RNF182: variants seen among roughly 807,000 people sequenced by gnomAD.
RNF182 encodes ring finger protein 182.
A neutral mutation model predicts 14.4 loss-of-function variants in RNF182; 15 were observed. The observed-to-expected ratio is 1.04, with a 90% CI of 0.70 to 1.60. The LOEUF (loss-of-function observed/expected upper bound fraction) is 1.60. Among genes scored for constraint, RNF182 ranks in the 40% most tolerant of loss-of-function variants. RNF182 has a pLI of 0.00. For missense variants in RNF182, 268 were observed against 294.8 expected, an observed-to-expected ratio of 0.91 and a Z score of 0.67; for synonymous variants, 128 against 122.9, an observed-to-expected ratio of 1.04 and a Z score of -0.27.
At chr6:13,945,393 G>A (rs966994459) in intron 1 of RNF182, among the ~76,000 whole-genome samples, 6 of 152,178 alleles carry the variant, frequency 3.9e-5, no homozygotes, top group South Asian at 2.1e-4. Flanking sequence ...AACCTTAAAC[G>A]TTGGAATTGC....
rs575974964 is a variant in RNF182, at chr6:13,961,051, T to C, written c.-366-13159T>C. 7.3e-4 allele frequency among the ~76,000 whole-genome samples: 111 copies of C among 152,360 alleles called. No individual in the cohort carries two copies. In the Middle Eastern group the frequency reaches 0.017, roughly 23 times the overall value. The stretch of plus-strand genomic sequence containing the variant: ...CAAAAACCTAGACTTATGAGCTTTA[T>C]ATATTATTTGTTGGCGTTCCATATA... On this transcript the variant is annotated intron_variant, in intron 1 of 2. Coordinates refer to ENST00000488300, the MANE Select transcript of RNF182 (RefSeq NM_152737.4).
intron 2 of RNF182, among the ~76,000 whole-genome samples, chr6:13,974,798 G>A (rs981794443): frequency 6.6e-6 from 1 of 152,158 alleles, no homozygotes; most frequent in African/African-American, 2.4e-5. Flanking sequence ...TTCACTGGCT[G>A]TTTTACTCTT....
At chr6:13,973,149 G>A (rs1014473008) in intron 1 of RNF182, among the ~76,000 whole-genome samples, 1 of 152,200 alleles carries the variant, frequency 6.6e-6, no homozygotes, top group Non-Finnish European at 1.5e-5. Flanking sequence ...TTTTGGACTT[G>A]CATGGGGCCT....
rs564820148 is a variant in RNF182 at position 13,945,724 on chromosome 6, T to C, written c.-367+20701T>C. Among the ~76,000 whole-genome samples the C allele has an allele frequency of 6.0e-4, 91 of 152,362 alleles. 1 individual carries two copies. The South Asian group carries it at 0.018, about 30-fold the overall frequency. ...CAGTAAAATGTTTATTCCCTTGTTA[T>C]ATTCCATTACTGCTGTGCCTTAATT... On this transcript the variant is annotated intron_variant, in intron 1 of 2. Coordinates refer to ENST00000488300, the MANE Select transcript of RNF182 (RefSeq NM_152737.4).
chr6:13,938,004 G>GTTTTTTT (rs70989897), intron 1 of RNF182, among the ~76,000 whole-genome samples: 38 of 79,598 alleles, frequency 4.8e-4, no homozygotes, highest in Non-Finnish European at 6.6e-4. Flanking sequence ...TTTTCTTACT[G>GTTTTTTT]TTTTTTTTTT....
chr6:13,947,272 A>G (rs924407170), intron 1 of RNF182, among the ~76,000 whole-genome samples: 1 of 152,182 alleles, frequency 6.6e-6, no homozygotes, highest in Non-Finnish European at 1.5e-5. Flanking sequence ...ACTCAAAAAC[A>G]ATGGATGAGA....
At chr6:13,933,346 C>T (rs981316081) in intron 1 of RNF182, among the ~76,000 whole-genome samples, 1 of 151,962 alleles carries the variant, frequency 6.6e-6, no homozygotes, top group African/African-American at 2.4e-5. Context: ...TGAGATCCCA[C>T]CTCTACAAAA....
chr6:13,956,138 C>T (rs115018691), intron 1 of RNF182, among the ~76,000 whole-genome samples: 121 of 152,212 alleles, frequency 7.9e-4, no homozygotes, highest in African/African-American at 2.7e-3. Flanking sequence ...TTGCTTAGGG[C>T]TGAATAGTAT....
In RNF182 at chr6:13,929,999, G is replaced by A. The variant is rs577224648; in HGVS notation, c.-367+4976G>A. Among the ~76,000 whole-genome samples the A allele has an allele frequency of 1.1e-3, 161 of 152,202 alleles. 1 individual carries two copies. The highest frequency in any genetic ancestry group is 3.4e-3 in the Middle Eastern group (1 of 294). ...TTTATGAAAAAGATGTTTTCCAAAG[G>A]TAGTTGTTCCTTAATTTATTATTCG... On this transcript the variant is annotated intron_variant, in intron 1 of 2. Transcript: ENST00000488300.
Position 13,977,076 on chromosome 6 carries a change from T to A in RNF182, c.-44T>A. ...AGGGGCACCTTAATCAAAGCCATTC[T>A]TCAACAAGACCCACCTGGCATAAGA... is the stretch of plus-strand genomic sequence containing the variant. On this transcript the variant is annotated 5_prime_UTR_variant, in exon 3 of 3. Transcript: ENST00000488300. 1 of 1,564,778 alleles carries A rather than the reference T, an allele frequency of 6.4e-7. No individual in the cohort carries two copies. The highest frequency in any genetic ancestry group is 1.2e-5 in the South Asian group (1 of 83,140).
At chr6:13,929,475 T>TAGAA (rs1758912768) in intron 1 of RNF182, among the ~76,000 whole-genome samples, 1 of 152,242 alleles carries the variant, frequency 6.6e-6, no homozygotes, top group Non-Finnish European at 1.5e-5. Flanking sequence ...TGGTCTTCTC[T>TAGAA]GGCCTTTTTT....
intron 1 of RNF182, among the ~76,000 whole-genome samples, chr6:13,952,636 A>G (rs1759625874): frequency 2.0e-5 from 3 of 152,044 alleles, no homozygotes; most frequent in Non-Finnish European, 2.9e-5. Context: ...TCATCCCTTC[A>G]TGGCTCATCA....
At chr6:13,931,901 A>T (rs548113301) in intron 1 of RNF182, among the ~76,000 whole-genome samples, 1 of 152,190 alleles carries the variant, frequency 6.6e-6, no homozygotes, top group African/African-American at 2.4e-5. Context: ...TGGAGCCCTC[A>T]TAAATAGTAT....
rs1205802741 is a variant in RNF182 at position 13,977,949 on chromosome 6, C to A, written c.*86C>A. 1.2e-5 allele frequency: 16 copies of A among 1,362,600 alleles called. No homozygotes were observed. The highest frequency in any genetic ancestry group is 1.5e-5 in the South Asian group (1 of 65,576). The allele number at this position is 1,362,600 out of a possible 1,614,324, so 84.4% of individuals were successfully genotyped here. ...TTTATAATTTATTTTCTTTTATGTT[C>A]TTTATGATTAGTATCCATGACATTA... is the stretch of plus-strand genomic sequence containing the variant. On this transcript the variant is annotated 3_prime_UTR_variant, in exon 3 of 3. Transcript: ENST00000488300.
intron 1 of RNF182, among the ~76,000 whole-genome samples, chr6:13,955,613 A>T (rs1181850394): frequency 6.6e-6 from 1 of 152,210 alleles, no homozygotes; most frequent in Non-Finnish European, 1.5e-5. Flanking sequence ...GGTGTTGGTT[A>T]ACAGTTGCAC....
intron 1 of RNF182, chr6:13,961,333 G>T (rs998375896): frequency 3.3e-5 from 5 of 152,286 alleles, no homozygotes; most frequent in Admixed American, 6.5e-5. Context: ...GCTTATGTAT[G>T]TAAAGTATTT....
At chr6:13,976,523 C>T (rs1177105659) in intron 2 of RNF182, among the ~76,000 whole-genome samples, 2 of 152,172 alleles carry the variant, frequency 1.3e-5, no homozygotes, top group Non-Finnish European at 2.9e-5. Flanking sequence ...TTTACACCAA[C>T]AATACTCTGA....
chr6:13,951,951 G>A (rs986451152), intron 1 of RNF182, among the ~76,000 whole-genome samples: 1 of 152,136 alleles, frequency 6.6e-6, no homozygotes, highest in Non-Finnish European at 1.5e-5. Context: ...ACCTGGCAAG[G>A]CTCAAACTTG....
At chr6:13,955,888 A>G (rs115307097) in intron 1 of RNF182, among the ~76,000 whole-genome samples, 5,089 of 152,238 alleles carry the variant, frequency 0.033, 98 homozygotes, top group Middle Eastern at 0.051. Context: ...CCCTATCTCT[A>G]TGCCCTCCCC....
Sources: gnomAD v4.1 joint callset for allele counts (sites outside exome capture counted in the v4.1 genomes callset) on GRCh38, gnomAD v4.1.1 for gene constraint, MANE v1.5 for transcripts, NCBI Gene and HGNC (gene_info 2026-07-23, HGNC 2026-07-21) for gene names.